Variants in NOL11 observed in about 807,000 individuals in gnomAD.
NOL11 encodes the protein nucleolar protein 11.
NOL11 carries 42 observed loss-of-function variants against 93.0 expected under a neutral mutation model. The ratio of observed to expected loss-of-function variants is 0.45; its 90% CI spans 0.35 to 0.58. NOL11 has a LOEUF of 0.58. Among genes scored for constraint, NOL11 ranks in the 20% least tolerant of loss-of-function variants. The pLI is 0.00. For missense variants in NOL11, 775 were observed against 841.8 expected (o/e 0.92, Z 0.98); for synonymous variants, 296 against 293.7 (o/e 1.01, Z -0.08).
chr17:67,732,408 T>A (rs568454086), intron 7 of NOL11, among the ~76,000 whole-genome samples: 1 of 150,672 alleles, frequency 6.6e-6, no homozygotes, highest in South Asian at 2.1e-4. Flanking sequence ...GGAGAATCAC[T>A]TGAACCCGAG....
intron 11 of NOL11, 43 bp from the exon 12 acceptor site, chr17:67,737,465 T>C (rs776187361): frequency 1.3e-6 from 2 of 1,482,684 alleles, no homozygotes; most frequent in East Asian, 2.3e-5. Flanking sequence ...AGAGTGACAT[T>C]CGTTAATGTG....
Position 67,724,111 on chromosome 17 carries a change from C to T in NOL11, c.582C>T (p.Leu194=), listed in dbSNP as rs575900646. 1 of 1,590,372 alleles carries T rather than the reference C, an allele frequency of 6.3e-7. No homozygotes were observed. The highest frequency in any genetic ancestry group is 8.6e-7 in the Non-Finnish European group (1 of 1,166,682). ...FNSRILTKYT[L]LLGQDENSVI... is the part of the protein sequence containing the mutation. ...CACGTATCTTAACCAAATATACACT[C>T]TTACTTGGACAAGACGAAAACTCTG... The change falls in exon 6 of 18, where the codon CTC becomes CTT. Residue 194 remains leucine, a synonymous_variant. Coordinates refer to ENST00000253247, the MANE Select transcript of NOL11 (RefSeq NM_015462.5).
rs2055225528 is a variant in NOL11 at position 67,738,564 on chromosome 17, G to A, written c.1763+209G>A. 9.4e-6 allele frequency: 5 copies of A among 530,068 alleles called. No individual in the cohort carries two copies. The South Asian group carries it at 1.4e-4, about 15-fold the overall frequency. The allele number at this position is 530,068 out of a possible 1,614,324, so 32.8% of individuals were successfully genotyped here. Reference sequence around the variant, plus strand: ...AATTTAACTAGGCTGGGCATGGGTGGCTCATGCCTGTAGTCCCAGCACTTT... The same window carrying A: ...AATTTAACTAGGCTGGGCATGGGTGACTCATGCCTGTAGTCCCAGCACTTT... On this transcript the variant is annotated intron_variant, in intron 14 of 17. Transcript: ENST00000253247.
intron 7 of NOL11, among the ~76,000 whole-genome samples, chr17:67,730,688 G>T (rs1309858392): frequency 6.6e-6 from 1 of 152,102 alleles, no homozygotes; most frequent in Non-Finnish European, 1.5e-5. Flanking sequence ...GTATTTAAGG[G>T]GCACATGAGA....
At chr17:67,742,165 A>AG (rs1406173420) in intron 16 of NOL11, among the ~76,000 whole-genome samples, 1 of 152,226 alleles carries the variant, frequency 6.6e-6, no homozygotes, top group Non-Finnish European at 1.5e-5. Flanking sequence ...GAGTTGTGAC[A>AG]ACTACCACCA....
chr17:67,727,791 C>T (rs1400868556), intron 7 of NOL11, among the ~76,000 whole-genome samples: 2 of 151,712 alleles, frequency 1.3e-5, no homozygotes, highest in Non-Finnish European at 2.9e-5. Flanking sequence ...TGGTGAAACT[C>T]CATGTCTCTA....
In NOL11 at chr17:67,726,574, G is replaced by A. The variant is rs116640209; in HGVS notation, c.779G>A (p.Arg260Gln). 2,502 of 1,614,034 alleles carry A rather than the reference G, an allele frequency of 1.6e-3. 42 individuals are homozygous for A. In the African/African-American group the frequency reaches 0.03, roughly 19 times the overall value. Reference sequence around the variant, plus strand: ...AAGGCTGTTGTATCTGGTAACGCTCGAAATGGAGTTGCACTCACTGCCCTG... The same window carrying A: ...AAGGCTGTTGTATCTGGTAACGCTCAAAATGGAGTTGCACTCACTGCCCTG... Reference protein sequence around the residue: ...LLKAVVSGNARNGVALTALDQ... With the variant: ...LLKAVVSGNAQNGVALTALDQ... Residue 260 changes from arginine to glutamine, a missense_variant, in exon 7 of 18, where the codon CGA becomes CAA. Around this residue, in one of 2 missense-constraint regions of NOL11, gnomAD observed 359 missense variants for 316.5 expected, o/e 1.13. Transcript: ENST00000253247.
At chr17:67,724,253 G>C (rs1316668237) in intron 6 of NOL11, 60 bp downstream of exon 6, 1 of 996,368 alleles carries the variant, frequency 1.0e-6, no homozygotes, top group Admixed American at 2.8e-5. Flanking sequence ...ATAGGATAGT[G>C]TATGTTTTTG....
chr17:67,734,970 TG>T (rs2055188095), intron 8 of NOL11, among the ~76,000 whole-genome samples: 1 of 152,270 alleles, frequency 6.6e-6, no homozygotes. Context: ...AAACAGCTTT[TG>T]TTTTTAGCTG....
rs756066556 is a variant in NOL11, at chr17:67,719,747, A to G, written c.215A>G (p.Asn72Ser). 1.7e-5 allele frequency: 28 copies of G among 1,610,168 alleles called. No individual in the cohort carries two copies. Among genetic ancestry groups the G allele is most frequent in the Admixed American group, 1.0e-4 (6 of 59,954 alleles). The change falls in exon 2 of 18, where the codon AAC becomes AGC. Residue 72 changes from asparagine (N) to serine (S), a missense_variant. Asn to Ser is a conservative substitution (Grantham distance 46). Around this residue, in one of 2 missense-constraint regions of NOL11, gnomAD observed 359 missense variants for 316.5 expected, o/e 1.13. Coordinates refer to ENST00000253247, the MANE Select transcript of NOL11 (RefSeq NM_015462.5). The part of the protein sequence containing the change: ...GQIITCPAVC[N>S]FQTGEYVVVH... ...ATTATAACATGTCCAGCTGTGTGCAACTTTCAAACTGGAGAGTATGTTGTT... is the reference window on the plus strand; with the variant it reads ...ATTATAACATGTCCAGCTGTGTGCAGCTTTCAAACTGGAGAGTATGTTGTT...
At chr17:67,718,746 G>T (rs1220706238) in intron 1 of NOL11, among the ~76,000 whole-genome samples, 1 of 152,162 alleles carries the variant, frequency 6.6e-6, no homozygotes, top group African/African-American at 2.4e-5. Context: ...TTTTCTCTGG[G>T]CTGCTGAACA....
chr17:67,743,291 A>C, intron 16 of NOL11, 188 bp from the exon 17 acceptor site: 2 of 398,254 alleles, frequency 5.0e-6, no homozygotes, highest in South Asian at 5.1e-5. Context: ...AATTAGAATA[A>C]ATTTTTTAAA....
intron 1 of NOL11, 140 bp downstream of exon 1, chr17:67,718,228 C>T: frequency 1.7e-6 from 2 of 1,165,300 alleles, no homozygotes; most frequent in Non-Finnish European, 2.4e-6. Context: ...CTGTTGGGGA[C>T]GCTGAGTGAG....
At position 67,722,508 on chromosome 17, in the gene NOL11, ATTTTGATTGAT is replaced by A. The variant is rs1275782138; in HGVS notation, c.462-71_462-61del. 84 of 1,509,298 alleles carry A rather than the reference ATTTTGATTGAT, an allele frequency of 5.6e-5. No individual in the cohort carries two copies. The Middle Eastern group carries it at 1.1e-3, about 21-fold the overall frequency. 93.5% of individuals were successfully genotyped at this position (1,509,298 alleles called of 1,614,324 possible). ...AATATTTAATGAAAACTTTGATTAA[ATTTTGATTGAT>A]ATGTGTCTCCCAGCTGGTGATTTTT... On this transcript the variant is annotated intron_variant, in intron 4 of 17. Coordinates refer to ENST00000253247, the MANE Select transcript of NOL11 (RefSeq NM_015462.5).
At chr17:67,730,267 TG>T (rs2055140925) in intron 7 of NOL11, among the ~76,000 whole-genome samples, 1 of 152,170 alleles carries the variant, frequency 6.6e-6, no homozygotes, top group African/African-American at 2.4e-5. Context: ...TTTGTTTGTT[TG>T]TTTTTTTGAG....
At chr17:67,738,075 A>G in intron 13 of NOL11, 47 bp from the exon 14 acceptor site, 1 of 1,549,254 alleles carries the variant, frequency 6.5e-7, no homozygotes, top group East Asian at 2.3e-5. Context: ...TTTTTCCCAA[A>G]AGCTTGGTGA....
intron 9 of NOL11, among the ~76,000 whole-genome samples, chr17:67,736,401 G>A (rs1176897492): frequency 6.6e-6 from 1 of 152,140 alleles, no homozygotes; most frequent in Non-Finnish European, 1.5e-5. Context: ...GATTTTAGGG[G>A]CAATGGGAGA....
rs767501692 is a variant in NOL11, at chr17:67,719,727, A to C, written c.195A>C (p.Ile65=). 7.4e-6 allele frequency: 12 copies of C among 1,610,818 alleles called. No individual in the cohort carries two copies. The highest frequency in any genetic ancestry group is 1.0e-5 in the Non-Finnish European group (12 of 1,178,990). The change falls in exon 2 of 18, where the codon ATA becomes ATC. Residue 65 remains isoleucine, a synonymous_variant. Coordinates refer to ENST00000253247, the MANE Select transcript of NOL11 (RefSeq NM_015462.5). ...GGTCAGTGAAACAAGGTCAAATTAT[A>C]ACATGTCCAGCTGTGTGCAACTTTC... ...GSWSVKQGQI[I]TCPAVCNFQT... is the part of the protein sequence containing the mutation.
chr17:67,741,753 G>A (rs4791183), intron 16 of NOL11, among the ~76,000 whole-genome samples: 130,321 of 151,586 alleles, frequency 0.86, 56,113 homozygotes, highest in East Asian at 0.96. Flanking sequence ...AGTAGAGACA[G>A]GATTTCACCA....
Sources: gnomAD v4.1 joint callset for allele counts (sites outside exome capture counted in the v4.1 genomes callset) on GRCh38, gnomAD v4.1.1 for gene constraint, gnomAD v4.1.1 regional missense constraint, MANE v1.5 for transcripts, NCBI Gene and HGNC (gene_info 2026-07-23, HGNC 2026-07-21) for gene names.